PAMR1: variants seen among roughly 807,000 people sequenced by gnomAD.
PAMR1 encodes the protein inactive serine protease PAMR1.
PAMR1 carries 88 observed loss-of-function variants against 81.8 expected under a neutral mutation model. The ratio of observed to expected loss-of-function variants is 1.08; its 90% confidence interval spans 0.91 to 1.28. The LOEUF (loss-of-function observed/expected upper bound fraction) is 1.28. Among genes scored for constraint, PAMR1 ranks in the 50% most tolerant of loss-of-function variants. The probability of loss-of-function intolerance (pLI) is 0.00; values close to 1 mark genes in which losing one functional copy is unlikely to be tolerated. For synonymous variants in PAMR1, 336 were observed against 345.3 expected, an observed-to-expected ratio of 0.97 and a Z score of 0.30; for missense variants, 935 against 919.7, an observed-to-expected ratio of 1.02 and a Z score of -0.21.
chr11:35,485,916 G>C (rs1301387221), intron 3 of PAMR1, among the ~76,000 whole-genome samples: 2 of 152,224 alleles, frequency 1.3e-5, no homozygotes, highest in African/African-American at 4.8e-5. Context: ...CTGCCATGGG[G>C]CTCCGGCGCT....
rs371741754 is a variant in PAMR1, at chr11:35,476,462, C to T, written c.380-1718G>A. ...GGTTTTATAAGGGGTTTTCCACCTTCGCTTGGCACTTCTCTCTCCTGCTGC... is the reference window on the plus strand; with the variant it reads ...GGTTTTATAAGGGGTTTTCCACCTTTGCTTGGCACTTCTCTCTCCTGCTGC... On this transcript the variant is annotated intron_variant, in intron 3 of 10. Coordinates refer to ENST00000619888, the MANE Select transcript of PAMR1 (RefSeq NM_001001991.3). Among the ~76,000 whole-genome samples, 74 of 152,258 alleles carry T rather than the reference C, an allele frequency of 4.9e-4. No homozygotes were observed. In the Middle Eastern group the frequency reaches 0.01, roughly 21 times the overall value.
At chr11:35,437,218 C>T (rs1299785525) in intron 8 of PAMR1, among the ~76,000 whole-genome samples, 1 of 152,250 alleles carries the variant, frequency 6.6e-6, no homozygotes, top group African/African-American at 2.4e-5. Flanking sequence ...ATGACTGTCA[C>T]CTGAAAAGTT....
chr11:35,444,945 C>T (rs1856259063), intron 6 of PAMR1, among the ~76,000 whole-genome samples: 1 of 152,158 alleles, frequency 6.6e-6, no homozygotes, highest in Non-Finnish European at 1.5e-5. Flanking sequence ...TGGCCATTTT[C>T]ACAATATTGA....
chr11:35,520,092 T>C (rs1851243788), intron 1 of PAMR1, among the ~76,000 whole-genome samples: 1 of 152,184 alleles, frequency 6.6e-6, no homozygotes, highest in Non-Finnish European at 1.5e-5. Context: ...ACTCAATAAA[T>C]TATTTGGATA....
rs745336185 is a variant in PAMR1 at position 35,494,191 on chromosome 11, T to A, written c.155A>T (p.Glu52Val). 4 of 1,613,872 alleles carry A rather than the reference T, an allele frequency of 2.5e-6. No individual in the cohort carries two copies. In the African/African-American group the frequency reaches 5.3e-5, roughly 22 times the overall value. Residue 52 changes from glutamate to valine, a missense_variant, in exon 2 of 11, where the codon GAG becomes GTG. By Grantham distance (121) the Glu-to-Val change is moderately radical. Transcript: ENST00000619888. ...CRECCEYDQI[E>V]CVCPGKREVV... ...TTCCCTCTTTCCGGGGCAGACGCAC[T>A]CAATCTGATCATATTCACAGCACTC...
intron 4 of PAMR1, among the ~76,000 whole-genome samples, chr11:35,473,965 A>T (rs1053691115): frequency 1.2e-4 from 18 of 152,234 alleles, no homozygotes; most frequent in African/African-American, 4.3e-4. Context: ...TATTCATGCA[A>T]CAAGCATTTA....
At chr11:35,510,243 C>G (rs951016914) in intron 1 of PAMR1, among the ~76,000 whole-genome samples, 1 of 152,140 alleles carries the variant, frequency 6.6e-6, no homozygotes, top group African/African-American at 2.4e-5. Flanking sequence ...ATCAACATCC[C>G]CACTAGAGCT....
intron 1 of PAMR1, among the ~76,000 whole-genome samples, chr11:35,513,019 G>A (rs544433496): frequency 1.6e-4 from 24 of 152,216 alleles, no homozygotes; most frequent in South Asian, 8.3e-4. Context: ...GGAAAGTGGC[G>A]AGCAGGATGC....
At position 35,439,677 on chromosome 11, in the gene PAMR1, C is replaced by A; in HGVS notation, c.1050G>T (p.Lys350Asn). 6.2e-7 allele frequency: 1 copy of A among 1,613,966 alleles called. No individual in the cohort carries two copies. Among genetic ancestry groups the A allele is most frequent in the Non-Finnish European group, 8.5e-7 (1 of 1,179,840 alleles). Residue 350 changes from lysine to asparagine, a missense_variant, in exon 8 of 11, where the codon AAG becomes AAT. Lys to Asn is a moderately conservative substitution (Grantham distance 94). Transcript: ENST00000619888. Reference sequence around the variant, plus strand: ...CTCTCCTTCTCACCAGGTCTGAAATCTTTGGTTCTCGGCAGGCTAGAAATA... The same window carrying A: ...CTCTCCTTCTCACCAGGTCTGAAATATTTGGTTCTCGGCAGGCTAGAAATA... ...PICIKACREP[K>N]ISDLVRRRVL...
At chr11:35,478,650 C>T (rs771542855) in intron 3 of PAMR1, among the ~76,000 whole-genome samples, 7 of 152,140 alleles carry the variant, frequency 4.6e-5, no homozygotes, top group African/African-American at 4.8e-5. Flanking sequence ...GGCAGCCTGA[C>T]TACACCTCTC....
At chr11:35,515,149 A>G (rs1851139588) in intron 1 of PAMR1, among the ~76,000 whole-genome samples, 1 of 152,204 alleles carries the variant, frequency 6.6e-6, no homozygotes, top group Non-Finnish European at 1.5e-5. Flanking sequence ...GAATTCTACA[A>G]ACTATCCCAC....
intron 1 of PAMR1, among the ~76,000 whole-genome samples, chr11:35,499,790 C>T (rs1487581315): frequency 1.3e-5 from 2 of 152,210 alleles, no homozygotes; most frequent in Admixed American, 6.5e-5. Context: ...TAAGATCCAT[C>T]TCAGTCTAAG....
chr11:35,434,005 GCCCAA>G (rs770032488), intron 10 of PAMR1, among the ~76,000 whole-genome samples: 9 of 152,158 alleles, frequency 5.9e-5, no homozygotes, highest in Non-Finnish European at 1.3e-4. Context: ...CTAGGACAGT[GCCCAA>G]ATGTAATAGG....
intron 1 of PAMR1, among the ~76,000 whole-genome samples, chr11:35,506,533 T>C (rs1850960553): frequency 6.6e-6 from 1 of 152,044 alleles, no homozygotes; most frequent in South Asian, 2.1e-4. Context: ...AGAAAGACTT[T>C]ATCTCTTTTT....
intron 1 of PAMR1, among the ~76,000 whole-genome samples, chr11:35,499,087 A>G (rs932459904): frequency 6.6e-6 from 1 of 152,212 alleles, no homozygotes; most frequent in Non-Finnish European, 1.5e-5. Context: ...TGTTGAATGA[A>G]TTCGGCCTGA....
chr11:35,468,516 C>A (rs1856796526), intron 5 of PAMR1, among the ~76,000 whole-genome samples: 1 of 152,176 alleles, frequency 6.6e-6, no homozygotes, highest in Non-Finnish European at 1.5e-5. Flanking sequence ...TGGGGCAATG[C>A]AACTGGAAGA....
At chr11:35,518,640 CT>C (rs1249422234) in intron 1 of PAMR1, among the ~76,000 whole-genome samples, 1 of 150,724 alleles carries the variant, frequency 6.6e-6, no homozygotes, top group Admixed American at 6.6e-5. Flanking sequence ...CTCTTTTTGT[CT>C]TTTTTTCCCT....
At chr11:35,488,478 C>T (rs1294361654) in intron 3 of PAMR1, among the ~76,000 whole-genome samples, 1 of 151,978 alleles carries the variant, frequency 6.6e-6, no homozygotes, top group Non-Finnish European at 1.5e-5. Context: ...GCCTCATCCT[C>T]CCAAAGTGCT....
chr11:35,445,297 T>C (rs1224228179), intron 6 of PAMR1, among the ~76,000 whole-genome samples: 1 of 152,242 alleles, frequency 6.6e-6, no homozygotes, highest in Non-Finnish European at 1.5e-5. Context: ...CAAAGAAAAT[T>C]TGACTTCCTC....
Sources: allele counts gnomAD v4.1 joint callset (sites outside exome capture counted in the v4.1 genomes callset), GRCh38; gene constraint gnomAD v4.1.1; transcripts MANE v1.5; gene names NCBI Gene and HGNC (gene_info 2026-07-23, HGNC 2026-07-21).